ITGA5: variants seen among roughly 807,000 people sequenced by gnomAD.
ITGA5 encodes integrin alpha-5.
Under a neutral mutation model 146.3 loss-of-function variants are expected in ITGA5, and 55 were observed. The observed-to-expected ratio is 0.38, with a 90% confidence interval of 0.30 to 0.47. The LOEUF (loss-of-function observed/expected upper bound fraction) is 0.47, where lower values mean the gene tolerates loss of function less well. Among genes scored for constraint, ITGA5 ranks in the 20% least tolerant of loss-of-function variants. The probability of loss-of-function intolerance (pLI) is 0.99; values close to 1 mark genes in which losing one functional copy is unlikely to be tolerated. For missense variants in ITGA5, 1,131 were observed against 1,329.0 expected, an observed-to-expected ratio of 0.85 and a Z score of 2.32; for synonymous variants, 500 against 531.8, an observed-to-expected ratio of 0.94 and a Z score of 0.82.
intron 1 of ITGA5, chr12:54,413,414 A>C (rs1173141997): frequency 6.6e-6 from 1 of 150,688 alleles, no homozygotes; most frequent in Non-Finnish European, 1.5e-5. Flanking sequence ...GAAGAGGGAG[A>C]GCTCCTGAAG....
chr12:54,398,879 C>T, intron 27 of ITGA5, 181 bp from the exon 28 acceptor site: 1 of 494,556 alleles, frequency 2.0e-6, no homozygotes, highest in Non-Finnish European at 3.5e-6. Context: ...TCACTCTGTC[C>T]CCCAGGCTGG....
In ITGA5 at chr12:54,412,354, T is replaced by C. The variant is rs1225216122; in HGVS notation, c.219-390A>G. Reference sequence around the variant, plus strand: ...TAGCTTCTGGAGCGCCAAGGTCCTGTGGAGCCTCAGGGTCTCTCATCTAGC... The same window carrying C: ...TAGCTTCTGGAGCGCCAAGGTCCTGCGGAGCCTCAGGGTCTCTCATCTAGC... On this transcript the variant is annotated intron_variant, in intron 1 of 29. Transcript: ENST00000293379. 9 of 159,586 alleles carry C rather than the reference T, an allele frequency of 5.6e-5. No homozygotes were observed. The East Asian group carries it at 1.6e-3, about 29-fold the overall frequency. The allele number at this position is 159,586 out of a possible 1,614,324, so 9.9% of individuals were successfully genotyped here.
chr12:54,405,226 A>T lies in ITGA5; in HGVS notation c.1165T>A (p.Phe389Ile). The part of the protein sequence containing the change: ...PTLTLTGHDE[F>I]GRFGSSLTPL... ...GTCAAGGAGCTGCCAAATCGGCCAA[A>T]CTCATCATGGCCAGTGAGGGTAAGG... Residue 389 changes from phenylalanine (F) to isoleucine (I), a missense_variant, in exon 12 of 30, where the codon TTT becomes ATT. By Grantham distance (21) the Phe-to-Ile change is conservative (BLOSUM62 0). This residue lies in a region of ITGA5 where 889 missense variants were observed against 1,021.5 expected (regional missense o/e 0.87). Transcript: ENST00000293379. The T allele has an allele frequency of 6.2e-7, 1 of 1,612,794 alleles. No individual in the cohort carries two copies. Among genetic ancestry groups the T allele is most frequent in the Non-Finnish European group, 8.5e-7 (1 of 1,179,112 alleles).
At chr12:54,418,192 G>A (rs1330139300) in intron 1 of ITGA5, among the ~76,000 whole-genome samples, 2 of 151,900 alleles carry the variant, frequency 1.3e-5, no homozygotes, top group African/African-American at 4.8e-5. Flanking sequence ...AGAGGAAGAG[G>A]GAAACCGCCC....
At position 54,396,328 on chromosome 12, in the gene ITGA5, C is replaced by A; in HGVS notation, c.3115G>T (p.Ala1039Ser). 1.2e-6 allele frequency: 2 copies of A among 1,614,124 alleles called. No individual in the cohort carries two copies. Among genetic ancestry groups the A allele is most frequent in the South Asian group, 2.2e-5 (2 of 91,084 alleles). The change falls in exon 30 of 30, where the codon GCT becomes TCT. Residue 1039 changes from alanine (A) to serine (S), a missense_variant. Ala to Ser is a moderately conservative substitution (Grantham distance 99). Transcript: ENST00000293379. Reference protein sequence around the residue: ...SLPYGTAMEKAQLKPPATSDA With the variant: ...SLPYGTAMEKSQLKPPATSDA Reference sequence around the variant, plus strand: ...GAGGTGGCTGGAGGCTTGAGCTGAGCTTTTTCCATGGCGGTGCCATATGGG... The same window carrying A: ...GAGGTGGCTGGAGGCTTGAGCTGAGATTTTTCCATGGCGGTGCCATATGGG...
At chr12:54,397,526 A>G in intron 28 of ITGA5, 39 bp from the exon 29 acceptor site, 1 of 1,611,722 alleles carries the variant, frequency 6.2e-7, no homozygotes, top group Non-Finnish European at 8.5e-7. Context: ...AAAGCTCAGA[A>G]GTTCTTTCTA....
At chr12:54,400,120 G>C in intron 25 of ITGA5, 173 bp from the exon 26 acceptor site, 1 of 594,888 alleles carries the variant, frequency 1.7e-6, no homozygotes, top group Non-Finnish European at 3.0e-6. Context: ...ATATGGAAAT[G>C]AGGAAAACTT....
intron 1 of ITGA5, chr12:54,412,242 C>T: frequency 3.4e-6 from 1 of 298,504 alleles, no homozygotes; most frequent in Non-Finnish European, 6.2e-6. Flanking sequence ...GGAGGAACCA[C>T]AGTCAATTTC....
At position 54,403,066 on chromosome 12, in the gene ITGA5, G is replaced by C; in HGVS notation, c.1915-16C>G. ...AGATCTGAGCCTGGGGAGCAGGGCA[G>C]CCTTGAGAGGGGAAGTTTAGACCCA... On this transcript the variant is annotated splice_polypyrimidine_tract_variant and intron_variant, in intron 18 of 29. Coordinates refer to ENST00000293379, the MANE Select transcript of ITGA5 (RefSeq NM_002205.5). The surrounding 1 kb of genome is among the most constrained non-coding windows in gnomAD (Gnocchi z 4.9). 6.2e-7 allele frequency: 1 copy of C among 1,613,996 alleles called. No individual in the cohort carries two copies. The highest frequency in any genetic ancestry group is 8.5e-7 in the Non-Finnish European group (1 of 1,179,882).
rs774499188 is a variant in ITGA5, at chr12:54,401,717, C to A, written c.2307-52G>T. On this transcript the variant is annotated intron_variant, in intron 22 of 29. Coordinates refer to ENST00000293379, the MANE Select transcript of ITGA5 (RefSeq NM_002205.5). The surrounding 1 kb of genome is among the most constrained non-coding windows in gnomAD (Gnocchi z 5.0). ...GCTGGAGTGCAGCCAGTGAGAATGGCGCCCAGCCCTCCCTTCCGTCCCCAG... is the reference window on the plus strand; with the variant it reads ...GCTGGAGTGCAGCCAGTGAGAATGGAGCCCAGCCCTCCCTTCCGTCCCCAG... 1 of 1,610,036 alleles carries A rather than the reference C, an allele frequency of 6.2e-7. No homozygotes were observed. Among genetic ancestry groups the A allele is most frequent in the East Asian group, 2.2e-5 (1 of 44,864 alleles).
Position 54,409,023 on chromosome 12 carries a change from T to C in ITGA5, c.584-69A>G, listed in dbSNP as rs1955905595. On this transcript the variant is annotated intron_variant, in intron 4 of 29. Transcript: ENST00000293379. This position sits in a 1 kb window ranked among gnomAD's most constrained non-coding sequence, Gnocchi z 4.7. ...GTCATCCAGGAAAGAAGAGAGGGCA[T>C]AGGGAAGGAGGTGGGAGAGAGAACC... The C allele has an allele frequency of 4.6e-6, 7 of 1,515,538 alleles. No homozygotes were observed. The highest frequency in any genetic ancestry group is 4.6e-6 in the Non-Finnish European group (5 of 1,094,430). The allele number at this position is 1,515,538 out of a possible 1,614,324, so 93.9% of individuals were successfully genotyped here.
At chr12:54,407,283 C>T (rs941460664) in intron 9 of ITGA5, 1 of 260,916 alleles carries the variant, frequency 3.8e-6, no homozygotes. Context: ...GCACTCTTAT[C>T]TGTATCTTTT....
At chr12:54,411,393 C>G (rs1955942125) in intron 2 of ITGA5, among the ~76,000 whole-genome samples, 1 of 152,206 alleles carries the variant, frequency 6.6e-6, no homozygotes, top group African/African-American at 2.4e-5. Flanking sequence ...CATCTTCCTC[C>G]CATCCATCTG....
intron 13 of ITGA5, 105 bp from the exon 14 acceptor site, chr12:54,404,580 C>A: frequency 1.3e-6 from 2 of 1,500,710 alleles, no homozygotes; most frequent in Non-Finnish European, 1.9e-6. Context: ...AGTGAGAAGA[C>A]AGCGCCCTCT....
At chr12:54,406,078 C>T (rs1955862726) in intron 9 of ITGA5, 152 bp from the exon 10 acceptor site, 1 of 684,658 alleles carries the variant, frequency 1.5e-6, no homozygotes, top group South Asian at 1.6e-5. Context: ...CCTCATATTC[C>T]CACCTCTATG....
Position 54,405,216 on chromosome 12 carries a change from A to C in ITGA5, c.1175T>G (p.Phe392Cys). The C allele has an allele frequency of 6.2e-7, 1 of 1,612,532 alleles. No homozygotes were observed. Among genetic ancestry groups the C allele is most frequent in the Non-Finnish European group, 8.5e-7 (1 of 1,178,902 alleles). The change falls in exon 12 of 30, where the codon TTT (phenylalanine) becomes TGT (cysteine). Residue 392 changes from phenylalanine (F) to cysteine (C), a missense_variant. Physicochemically the swap from Phe to Cys is radical, Grantham distance 205. Transcript: ENST00000293379. ...CCCCAGGGGGGTCAAGGAGCTGCCA[A>C]ATCGGCCAAACTCATCATGGCCAGT... ...TLTGHDEFGR[F>C]GSSLTPLGDL...
chr12:54,411,783 C>G (rs769422649), intron 2 of ITGA5, 51 bp downstream of exon 2: 3 of 1,420,212 alleles, frequency 2.1e-6, no homozygotes, highest in Non-Finnish European at 1.9e-6. Flanking sequence ...AGGCCTTGCC[C>G]CCAGGCTGCA....
rs370380297 is a variant in ITGA5, at chr12:54,409,225, C to T, written c.583+7G>A. 1.2e-6 allele frequency: 2 copies of T among 1,607,640 alleles called. No homozygotes were observed. Among genetic ancestry groups the T allele is most frequent in the Non-Finnish European group, 1.7e-6 (2 of 1,177,058 alleles). ...GACATGGGGCACAGGCCCCCTCTTG[C>T]CCCTACCTGAGCGGCAGGGTGCATA... On this transcript the variant is annotated splice_region_variant and intron_variant, in intron 4 of 29. Transcript: ENST00000293379. The surrounding 1 kb of genome is among the most constrained non-coding windows in gnomAD (Gnocchi z 4.7).
intron 1 of ITGA5, among the ~76,000 whole-genome samples, chr12:54,414,408 T>C (rs1036953801): frequency 1.3e-5 from 2 of 152,220 alleles, no homozygotes; most frequent in African/African-American, 4.8e-5. Context: ...AAATCATGCA[T>C]TTACCAGATA....
Sources: gnomAD v4.1 joint callset for allele counts (sites outside exome capture counted in the v4.1 genomes callset) on GRCh38, gnomAD v4.1.1 for gene constraint, gnomAD v4.1.1 regional missense constraint, Gnocchi (gnomAD v3.1) non-coding constraint, MANE v1.5 for transcripts, NCBI Gene and HGNC (gene_info 2026-07-23, HGNC 2026-07-21) for gene names.